IFNGR1: variants seen among roughly 807,000 people sequenced by gnomAD.
IFNGR1 encodes the protein interferon gamma receptor 1.
Under a neutral mutation model 35.4 loss-of-function variants are expected in IFNGR1, and 23 were observed. The ratio of observed to expected loss-of-function variants is 0.65; its 90% confidence interval spans 0.47 to 0.92. The LOEUF (loss-of-function observed/expected upper bound fraction) is 0.92. IFNGR1 is among the 40% of genes least tolerant of loss of function. The pLI, the probability that IFNGR1 is intolerant of heterozygous loss-of-function variation, is 0.00. For synonymous variants in IFNGR1, 199 were observed against 209.5 expected, an observed-to-expected ratio of 0.95 and a Z score of 0.43; for missense variants, 533 against 583.4, an observed-to-expected ratio of 0.91 and a Z score of 0.89.
chr6:137,211,577 C>T (rs544131261), intron 1 of IFNGR1, among the ~76,000 whole-genome samples: 1 of 152,328 alleles, frequency 6.6e-6, no homozygotes, highest in South Asian at 2.1e-4. Flanking sequence ...GCTCTTGGTA[C>T]CTGCCATCTC....
chr6:137,206,304 T>TTTTAGTGTTAAGAATTC lies in IFNGR1; in HGVS notation c.204_205insGAATTCTTAACACTAAA (p.Lys69GlufsTer80). The TTTTAGTGTTAAGAATTC allele has an allele frequency of 6.3e-7, 1 of 1,596,162 alleles. No individual in the cohort carries two copies. Among genetic ancestry groups the TTTTAGTGTTAAGAATTC allele is most frequent in the Non-Finnish European group, 8.6e-7 (1 of 1,163,834 alleles). The stretch of plus-strand genomic sequence containing the variant: ...CAGGCATCAATCCATTCTGAATTCT[T>TTTTAGTGTTAAGAATTC]AACACTAAAAAGAATAAAAAAATGC... On this transcript the variant is annotated frameshift_variant, in exon 3 of 7. Transcript: ENST00000367739. LOFTEE classifies it high-confidence loss of function.
chr6:137,216,878 G>T (rs545604168), intron 1 of IFNGR1, among the ~76,000 whole-genome samples: 2 of 152,160 alleles, frequency 1.3e-5, no homozygotes, highest in Non-Finnish European at 2.9e-5. Flanking sequence ...GTTTTAGAAC[G>T]AGAGGTACAG....
Position 137,204,485 on chromosome 6 carries a change from T to G in IFNGR1, c.393A>C (p.Lys131Asn), listed in dbSNP as rs747634459. 1 of 1,613,736 alleles carries G rather than the reference T, an allele frequency of 6.2e-7. No homozygotes were observed. Among genetic ancestry groups the G allele is most frequent in the South Asian group, 1.1e-5 (1 of 91,070 alleles). Residue 131 changes from lysine to asparagine, a missense_variant, in exon 4 of 7, where the codon AAA becomes AAC. Coordinates refer to ENST00000367739, the MANE Select transcript of IFNGR1 (RefSeq NM_000416.3). ...GCTTCTCCTCCTTTCTGATATCCAG[T>G]TTAGGTGGTCCAATTTTTCCTGGGG... ...VCRDGKIGPP[K>N]LDIRKEEKQI...
At chr6:137,217,497 C>T (rs1017569067) in intron 1 of IFNGR1, among the ~76,000 whole-genome samples, 4 of 152,178 alleles carry the variant, frequency 2.6e-5, no homozygotes, top group South Asian at 2.1e-4. Flanking sequence ...CTGGGCAAAT[C>T]AGAGCCTTTC....
intron 1 of IFNGR1, among the ~76,000 whole-genome samples, chr6:137,207,736 G>A (rs1779475291): frequency 1.3e-5 from 2 of 152,140 alleles, no homozygotes; most frequent in South Asian, 2.1e-4. Flanking sequence ...GGAACTGTAA[G>A]TTCAATTAAA....
At chr6:137,201,914 T>C (rs1207535495) in intron 5 of IFNGR1, among the ~76,000 whole-genome samples, 1 of 152,064 alleles carries the variant, frequency 6.6e-6, no homozygotes, top group African/African-American at 2.4e-5. Context: ...CACATACATC[T>C]AGAATCACCA....
Position 137,198,325 on chromosome 6 carries a change from G to C in IFNGR1, c.1176C>G (p.Ile392Met). The C allele has an allele frequency of 6.2e-7, 1 of 1,613,334 alleles. No individual in the cohort carries two copies. The highest frequency in any genetic ancestry group is 1.1e-5 in the South Asian group (1 of 91,074). ...LSSNQSEPGS[I>M]ALNSYHSRNC... Reference sequence around the variant, plus strand: ...TTCTGGAGTGATACGAGTTTAAAGCGATGCTGCCAGGTTCAGACTGGTTAC... The same window carrying C: ...TTCTGGAGTGATACGAGTTTAAAGCCATGCTGCCAGGTTCAGACTGGTTAC... The change falls in exon 7 of 7, where the codon ATC (isoleucine) becomes ATG (methionine). Residue 392 changes from isoleucine (I) to methionine (M), a missense_variant. Transcript: ENST00000367739.
intron 1 of IFNGR1, among the ~76,000 whole-genome samples, chr6:137,216,372 A>G (rs1779696544): frequency 6.6e-6 from 1 of 152,210 alleles, no homozygotes; most frequent in Non-Finnish European, 1.5e-5. Flanking sequence ...TTAAAAATAT[A>G]TACTACTTTT....
At chr6:137,199,732 A>C (rs1779232569) in intron 6 of IFNGR1, among the ~76,000 whole-genome samples, 1 of 148,356 alleles carries the variant, frequency 6.7e-6, no homozygotes, top group South Asian at 2.1e-4. Flanking sequence ...ACATCTACTT[A>C]AGTAATATTC....
At chr6:137,207,165 A>G (rs568137266) in intron 1 of IFNGR1, 88 bp from the exon 2 acceptor site, 1 of 1,511,096 alleles carries the variant, frequency 6.6e-7, no homozygotes, top group Non-Finnish European at 8.9e-7. Flanking sequence ...CACATTGCCC[A>G]GATATGTATA....
chr6:137,212,930 A>G (rs1779609401), intron 1 of IFNGR1, among the ~76,000 whole-genome samples: 2 of 152,212 alleles, frequency 1.3e-5, no homozygotes, highest in Admixed American at 1.3e-4. Context: ...TAAAAGAAAA[A>G]CTTATAAATT....
intron 6 of IFNGR1, among the ~76,000 whole-genome samples, chr6:137,199,255 A>G (rs895880517): frequency 7.1e-6 from 1 of 140,556 alleles, no homozygotes; most frequent in African/African-American, 2.6e-5. Context: ...ATACTAAATA[A>G]TACTAAATAA....
At chr6:137,206,515 T>C (rs1159974609) in intron 2 of IFNGR1, 3 of 541,096 alleles carry the variant, frequency 5.5e-6, no homozygotes, top group African/African-American at 3.8e-5. Flanking sequence ...GAGGCTCAAT[T>C]CAAAATGTAA....
Position 137,204,516 on chromosome 6 carries a change from G to C in IFNGR1, c.374-12C>G. The C allele has an allele frequency of 1.2e-6, 2 of 1,603,562 alleles. No individual in the cohort carries two copies. The highest frequency in any genetic ancestry group is 1.7e-6 in the Non-Finnish European group (2 of 1,170,382). On this transcript the variant is annotated splice_polypyrimidine_tract_variant and intron_variant, in intron 3 of 6. Transcript: ENST00000367739. ...TGGTCCAATTTTTCCTGGGGAAGGA[G>C]GAGGAGGAAGTATAATAAATACTGG... is the stretch of plus-strand genomic sequence containing the variant.
At position 137,198,371 on chromosome 6, in the gene IFNGR1, T is replaced by A; in HGVS notation, c.1130A>T (p.Glu377Val). Residue 377 changes from glutamate to valine, a missense_variant, in exon 7 of 7, where the codon GAG becomes GTG. Transcript: ENST00000367739. ...GTTACTACTTAAAGGTGAAGAACTC[T>A]CTCTCTCTATTGGAGTCAGATGGCT... ...PGSHLTPIER[E>V]SSSPLSSNQS... is the part of the protein sequence containing the mutation. The A allele has an allele frequency of 1.2e-6, 2 of 1,614,158 alleles. No individual in the cohort carries two copies. Among genetic ancestry groups the A allele is most frequent in the South Asian group, 2.2e-5 (2 of 91,074 alleles).
chr6:137,198,970 TA>T (rs1779171782), intron 6 of IFNGR1, among the ~76,000 whole-genome samples: 1 of 152,108 alleles, frequency 6.6e-6, no homozygotes, highest in Non-Finnish European at 1.5e-5. Flanking sequence ...CAAAGGAGAT[TA>T]ACATTTGAGT....
Position 137,198,023 on chromosome 6 carries a change from A to G in IFNGR1, c.*8T>C, listed in dbSNP as rs116884638. ...TCAGACTTCAAAGTTGGTGCAACTT[A>G]GCTGATCTCATGAAAATTCTTTGGA... On this transcript the variant is annotated 3_prime_UTR_variant, in exon 7 of 7. Transcript: ENST00000367739. 7.4e-6 allele frequency: 12 copies of G among 1,613,978 alleles called. No individual in the cohort carries two copies. The East Asian group carries it at 2.7e-4, about 36-fold the overall frequency.
In IFNGR1 at chr6:137,206,441, C is replaced by T. The variant is rs76198934; in HGVS notation, c.201-133G>A. On this transcript the variant is annotated intron_variant, in intron 2 of 6. Coordinates refer to ENST00000367739, the MANE Select transcript of IFNGR1 (RefSeq NM_000416.3). ...AGCAGAGCTAAGAATAGGATGGAGA[C>T]GCCAGAGAAAGTAGGAAACCCTTAC... 1.1e-3 allele frequency: 719 copies of T among 664,164 alleles called. 4 individuals are homozygous for T. Among genetic ancestry groups the T allele is most frequent in the African/African-American group, 0.011 (587 of 54,930 alleles). 41.1% of individuals were successfully genotyped at this position (664,164 alleles called of 1,614,324 possible).
chr6:137,204,450 A>G lies in IFNGR1; in HGVS notation c.428T>C (p.Ile143Thr), dbSNP rs758158662. Residue 143 changes from isoleucine (I) to threonine (T), a missense_variant, in exon 4 of 7, where the codon ATT becomes ACT. Coordinates refer to ENST00000367739, the MANE Select transcript of IFNGR1 (RefSeq NM_000416.3). ...AAAAACTGAAGGGTGAAATATGTCAATCATGATTTGCTTCTCCTCCTTTCT... is the reference window on the plus strand; with the variant it reads ...AAAAACTGAAGGGTGAAATATGTCAGTCATGATTTGCTTCTCCTCCTTTCT... ...DIRKEEKQIMIDIFHPSVFVN... is the reference protein window; with the variant it reads ...DIRKEEKQIMTDIFHPSVFVN... The G allele has an allele frequency of 4.3e-6, 7 of 1,614,000 alleles. No individual in the cohort carries two copies. In the East Asian group the frequency reaches 1.1e-4, roughly 26 times the overall value.
Sources: allele counts gnomAD v4.1 joint callset (sites outside exome capture counted in the v4.1 genomes callset), GRCh38; gene constraint gnomAD v4.1.1; transcripts MANE v1.5; gene names NCBI Gene and HGNC (gene_info 2026-07-23, HGNC 2026-07-21).